The following MFGE8 variants were observed in gnomAD, a reference collection of about 807,000 sequenced individuals.
MFGE8 encodes milk fat globule EGF and factor V/VIII domain containing, also known as lactadherin.
In MFGE8, 34 loss-of-function variants were observed where a neutral mutation model predicts 42.6. The observed-to-expected ratio is 0.80, with a 90% CI of 0.61 to 1.06. The LOEUF (loss-of-function observed/expected upper bound fraction) is 1.06, where lower values mean the gene tolerates loss of function less well. Among genes scored for constraint, MFGE8 ranks in the 50% least tolerant of loss-of-function variants. The pLI, the probability that MFGE8 is intolerant of heterozygous loss-of-function variation, is 0.00. For missense variants in MFGE8, 510 were observed against 516.9 expected, an observed-to-expected ratio of 0.99 and a Z score of 0.13; for synonymous variants, 230 against 214.8, an observed-to-expected ratio of 1.07 and a Z score of -0.62.
chr15:88,901,808 G>T, intron 5 of MFGE8, 73 bp from the exon 6 acceptor site: 1 of 1,456,688 alleles, frequency 6.9e-7, no homozygotes, highest in Non-Finnish European at 9.6e-7. Flanking sequence ...AGGCGATGAA[G>T]CAGAAAGAAC....
At chr15:88,901,508 T>TTC in intron 6 of MFGE8, 43 bp downstream of exon 6, 4 of 924,204 alleles carry the variant, frequency 4.3e-6, no homozygotes, top group Non-Finnish European at 6.9e-6. Context: ...TCCCACCTCA[T>TTC]CCCACCCAAC....
At position 88,906,647 on chromosome 15, in the gene MFGE8, A is replaced by G; in HGVS notation, c.519T>C (p.His173=). 9 of 1,613,956 alleles carry G rather than the reference A, an allele frequency of 5.6e-6. No individual in the cohort carries two copies. Among genetic ancestry groups the G allele is most frequent in the Non-Finnish European group, 7.6e-6 (9 of 1,179,970 alleles). The part of the protein sequence containing the change: ...SLNGHEFDFI[H]DVNKKHKEFV... The stretch of plus-strand genomic sequence containing the variant: ...CTACCTTGTGTTTTTTATTAACATC[A>G]TGGATGAAATCGAATTCGTGTCCAT... Residue 173 remains histidine, a synonymous_variant, in exon 4 of 8, where the codon CAT becomes CAC. Coordinates refer to ENST00000268150, the MANE Select transcript of MFGE8 (RefSeq NM_005928.4). This position sits in a 1 kb window ranked among gnomAD's most constrained non-coding sequence, Gnocchi z 4.2.
rs2271714 is a variant in MFGE8 at position 88,906,772 on chromosome 15, G to A, written c.394C>T (p.Leu132=). 0.066 allele frequency: 106,436 copies of A among 1,612,526 alleles called. 8,933 individuals are homozygous for A. The highest frequency in any genetic ancestry group is 0.35 in the African/African-American group (26,043 of 74,836). ...NDDNPWIQVN[L]LRRMWVTGVV... ...CCTGTTACCCACATCCTCCGCAGCA[G>A]GTTCACCTGGACACAGGGCAGGGGA... is the stretch of plus-strand genomic sequence containing the variant. Residue 132 remains leucine, a synonymous_variant, in exon 4 of 8, where the codon CTG becomes TTG. Transcript: ENST00000268150. The surrounding 1 kb of genome is among the most constrained non-coding windows in gnomAD (Gnocchi z 4.2).
Position 88,906,913 on chromosome 15 carries a change from A to G in MFGE8, c.388-135T>C. On this transcript the variant is annotated intron_variant, in intron 3 of 7. Transcript: ENST00000268150. This position sits in a 1 kb window ranked among gnomAD's most constrained non-coding sequence, Gnocchi z 4.2. Reference sequence around the variant, plus strand: ...CAAAACAGAGGAGGGGTAGCTGAGCACACTGCCCGCACAAAGGGCTTTCTT... The same window carrying G: ...CAAAACAGAGGAGGGGTAGCTGAGCGCACTGCCCGCACAAAGGGCTTTCTT... 1.7e-6 allele frequency: 2 copies of G among 1,148,956 alleles called. No homozygotes were observed. The highest frequency in any genetic ancestry group is 2.5e-6 in the Non-Finnish European group (2 of 785,198). The allele number at this position is 1,148,956 out of a possible 1,614,324, so 71.2% of individuals were successfully genotyped here.
chr15:88,904,262 AATT>A (rs755264515), intron 5 of MFGE8: 5 of 152,240 alleles, frequency 3.3e-5, no homozygotes, highest in African/African-American at 4.8e-5. Flanking sequence ...CGAATTAAAT[AATT>A]AATTTACCAA....
At chr15:88,910,250 G>A (rs1898895622) in intron 1 of MFGE8, 1 of 368,954 alleles carries the variant, frequency 2.7e-6, no homozygotes, top group South Asian at 2.1e-5. Flanking sequence ...GGTCTGGAGA[G>A]GCAGGCAAGG....
Position 88,913,241 on chromosome 15 carries a change from A to C in MFGE8, c.73+6T>G. Reference sequence around the variant, plus strand: ...CGAGGGGCAGAGGGCGGCGCGATCCACTCACCCAGGGCGACGAGGAGGCTG... The same window carrying C: ...CGAGGGGCAGAGGGCGGCGCGATCCCCTCACCCAGGGCGACGAGGAGGCTG... On this transcript the variant is annotated splice_donor_region_variant and intron_variant, in intron 1 of 7. Transcript: ENST00000268150. The C allele has an allele frequency of 1.3e-6, 2 of 1,503,424 alleles. No individual in the cohort carries two copies. Among genetic ancestry groups the C allele is most frequent in the South Asian group, 2.5e-5 (2 of 80,674 alleles). 93.1% of individuals were successfully genotyped at this position (1,503,424 alleles called of 1,614,324 possible).
At chr15:88,912,788 C>T in intron 1 of MFGE8, 8 of 985,358 alleles carry the variant, frequency 8.1e-6, no homozygotes, top group Non-Finnish European at 8.4e-6. Flanking sequence ...ATTGGGAGCG[C>T]AAAAATCCAA....
Position 88,905,641 on chromosome 15 carries a change from C to T in MFGE8, c.685+116G>A. The T allele has an allele frequency of 1.4e-6, 2 of 1,411,526 alleles. No individual in the cohort carries two copies. The highest frequency in any genetic ancestry group is 2.0e-6 in the Non-Finnish European group (2 of 1,010,750). The allele number at this position is 1,411,526 out of a possible 1,614,324, so 87.4% of individuals were successfully genotyped here. ...TGCGTTGCCCGAGTGAAGCCTGGTC[C>T]CCGTGCCTTGTTGCTGCCCTACCTA... On this transcript the variant is annotated intron_variant, in intron 5 of 7. Coordinates refer to ENST00000268150, the MANE Select transcript of MFGE8 (RefSeq NM_005928.4). This position sits in a 1 kb window ranked among gnomAD's most constrained non-coding sequence, Gnocchi z 6.6.
At chr15:88,909,698 G>A (rs1898864947) in intron 2 of MFGE8, 94 bp downstream of exon 2, 1 of 1,587,132 alleles carries the variant, frequency 6.3e-7, no homozygotes, top group Non-Finnish European at 8.6e-7. Flanking sequence ...GGGATCACAG[G>A]CAGAGAATAA....
chr15:88,901,311 A>ATTCACACG (rs1898412633), intron 6 of MFGE8, among the ~76,000 whole-genome samples: 1 of 130,102 alleles, frequency 7.7e-6, no homozygotes, highest in Non-Finnish European at 1.7e-5. Context: ...ACACTCACAC[A>ATTCACACG]CACACATTCA....
intron 1 of MFGE8, 64 bp downstream of exon 1, chr15:88,913,183 G>T (rs1382733305): frequency 6.8e-7 from 1 of 1,475,208 alleles, no homozygotes; most frequent in Non-Finnish European, 8.9e-7. Context: ...GGCGGGCGCC[G>T]GGCAAACTTC....
At position 88,907,185 on chromosome 15, in the gene MFGE8, C is replaced by T; in HGVS notation, c.387+10G>A. On this transcript the variant is annotated intron_variant, in intron 3 of 7. Transcript: ENST00000268150. ...CCATTGCCCCGCCCCAGGGCCATCC[C>T]CAGGCATACCTGGATCCAGGGGTTA... The T allele has an allele frequency of 1.2e-6, 2 of 1,611,248 alleles. No homozygotes were observed. Among genetic ancestry groups the T allele is most frequent in the Non-Finnish European group, 1.7e-6 (2 of 1,178,754 alleles).
intron 1 of MFGE8, chr15:88,910,344 G>T: frequency 3.2e-6 from 1 of 313,962 alleles, no homozygotes; most frequent in South Asian, 2.9e-5. Flanking sequence ...AGGAAGCATT[G>T]TTCTGGCCCA....
At chr15:88,911,792 G>C (rs1264288758) in intron 1 of MFGE8, among the ~76,000 whole-genome samples, 1 of 151,696 alleles carries the variant, frequency 6.6e-6, no homozygotes, top group Non-Finnish European at 1.5e-5. Flanking sequence ...TCTAAGGCTG[G>C]AGAGTCCTCC....
At chr15:88,901,508 T>TAC in intron 6 of MFGE8, 43 bp downstream of exon 6, 2 of 924,206 alleles carry the variant, frequency 2.2e-6, no homozygotes, top group Non-Finnish European at 1.7e-6. Flanking sequence ...TCCCACCTCA[T>TAC]CCCACCCAAC....
At chr15:88,909,282 C>G (rs1898844761) in intron 2 of MFGE8, among the ~76,000 whole-genome samples, 1 of 152,254 alleles carries the variant, frequency 6.6e-6, no homozygotes, top group African/African-American at 2.4e-5. Context: ...TCAGCTGGCC[C>G]AGGCCTCTCC....
intron 6 of MFGE8, 34 bp downstream of exon 6, chr15:88,901,517 A>AAACCAAAAAAGCAGGAC: frequency 9.3e-7 from 1 of 1,072,616 alleles, no homozygotes; most frequent in East Asian, 2.7e-5. Context: ...ATCCCACCCA[A>AAACCAAAAAAGCAGGAC]CCCCAGCCCC....
chr15:88,901,205 A>ACATT (rs1898389571), intron 6 of MFGE8, among the ~76,000 whole-genome samples: 1 of 33,986 alleles, frequency 2.9e-5, no homozygotes, highest in South Asian at 1.3e-3. Context: ...TCACACATTC[A>ACATT]CACACACACA....
Sources: allele counts gnomAD v4.1 joint callset (sites outside exome capture counted in the v4.1 genomes callset), GRCh38; gene constraint gnomAD v4.1.1; non-coding constraint Gnocchi (gnomAD v3.1); transcripts MANE v1.5; gene names NCBI Gene and HGNC (gene_info 2026-07-23, HGNC 2026-07-21).